The following BRD4 variants were observed in gnomAD, a reference collection of about 807,000 sequenced individuals.
The protein encoded by BRD4 is bromodomain containing 4.
BRD4 carries 16 observed loss-of-function variants against 142.1 expected under a neutral mutation model. That is an observed-to-expected ratio of 0.11 (90% CI 0.08 to 0.17). The LOEUF (loss-of-function observed/expected upper bound fraction) is 0.17, where lower values mean the gene tolerates loss of function less well. Ranked by LOEUF, BRD4 falls within the 10% of genes least tolerant of loss-of-function variation. The pLI is 1.00. For missense variants in BRD4, 1,424 were observed against 1,810.9 expected (o/e 0.79, Z 3.88); for synonymous variants, 833 against 707.5 (o/e 1.18, Z -2.82).
rs1048741739 is a variant in BRD4 at position 15,301,014 on chromosome 19, A to C, written c.-34-27881T>G. ...GCAGCTTCATTAAGAATCACCAAAA[A>C]CTAGAAACCATCCACGTGTCCTTCA... On this transcript the variant is annotated intron_variant, in intron 1 of 19. Coordinates refer to ENST00000679869, the MANE Select transcript of BRD4 (RefSeq NM_001379291.1). 2.0e-5 allele frequency among the ~76,000 whole-genome samples: 3 copies of C among 152,214 alleles called. 1 individual carries two copies. The highest frequency in any genetic ancestry group is 4.1e-4 in the South Asian group (2 of 4,834).
intron 10 of BRD4, 96 bp downstream of exon 10, chr19:15,255,201 G>T (rs550147555): frequency 2.2e-5 from 28 of 1,252,124 alleles, no homozygotes; most frequent in Non-Finnish European, 2.8e-5. Flanking sequence ...AAAAAAAAAG[G>T]GGGGGGGCGC....
At chr19:15,310,881 C>T (rs542133993) in intron 1 of BRD4, among the ~76,000 whole-genome samples, 2 of 152,276 alleles carry the variant, frequency 1.3e-5, no homozygotes, top group African/African-American at 2.4e-5. Context: ...TACTCTTCAC[C>T]GATGCCCAAT....
chr19:15,243,031 GGCGGGGGCT>G lies in BRD4; in HGVS notation c.3029_3037del (p.Gln1010_Pro1012del). The G allele has an allele frequency of 6.5e-7, 1 of 1,532,372 alleles. No homozygotes were observed. Among genetic ancestry groups the G allele is most frequent in the East Asian group, 2.4e-5 (1 of 40,974 alleles). 94.9% of individuals were successfully genotyped at this position (1,532,372 alleles called of 1,614,324 possible). On this transcript the variant is annotated inframe_deletion, in exon 14 of 20. Transcript: ENST00000679869. Reference sequence around the variant, plus strand: ...ATGGGGGGGCTGCTGGCCCTGGGGTGGCGGGGGCTGTTGGATGTGGGTGGAAAACTGCAT... The same window carrying G: ...ATGGGGGGGCTGCTGGCCCTGGGGTGGTTGGATGTGGGTGGAAAACTGCAT...
At chr19:15,258,905 T>C (rs529840763) in intron 7 of BRD4, among the ~76,000 whole-genome samples, 2 of 152,304 alleles carry the variant, frequency 1.3e-5, no homozygotes, top group Non-Finnish European at 2.9e-5. Flanking sequence ...AATACCTTTA[T>C]TCAGAAATAA....
chr19:15,326,390 CG>C (rs2145010160), intron 1 of BRD4, among the ~76,000 whole-genome samples: 1 of 151,826 alleles, frequency 6.6e-6, no homozygotes, highest in East Asian at 1.9e-4. Flanking sequence ...TGGCTTGAAC[CG>C]GGGAGGCAGA....
At chr19:15,305,730 TGA>T (rs1226905821) in intron 1 of BRD4, among the ~76,000 whole-genome samples, 5 of 152,230 alleles carry the variant, frequency 3.3e-5, no homozygotes, top group Admixed American at 3.3e-4. Flanking sequence ...TAGCCCCTAA[TGA>T]GAGGCAGCCT....
intron 1 of BRD4, among the ~76,000 whole-genome samples, chr19:15,286,468 A>G (rs1248011518): frequency 2.6e-5 from 4 of 152,246 alleles, no homozygotes; most frequent in Non-Finnish European, 5.9e-5. Context: ...ACATCTGCGC[A>G]TGTCCAACAG....
At chr19:15,281,283 C>G (rs1269775381) in intron 1 of BRD4, among the ~76,000 whole-genome samples, 2 of 152,206 alleles carry the variant, frequency 1.3e-5, no homozygotes, top group Non-Finnish European at 2.9e-5. Flanking sequence ...TGCAGTACCC[C>G]AGACCCTGCA....
At chr19:15,302,816 TA>T (rs1402877407) in intron 1 of BRD4, among the ~76,000 whole-genome samples, 1 of 150,900 alleles carries the variant, frequency 6.6e-6, no homozygotes, top group African/African-American at 2.4e-5. Context: ...CCATCCTGGC[TA>T]AAACAGTGAA....
Position 15,316,181 on chromosome 19 carries a change from G to A in BRD4, c.-35+16109C>T, listed in dbSNP as rs866683566. 5.4e-3 allele frequency among the ~76,000 whole-genome samples: 476 copies of A among 88,458 alleles called. 1 individual carries two copies. Among genetic ancestry groups the A allele is most frequent in the African/African-American group, 0.018 (403 of 21,872 alleles). 58.0% of individuals were successfully genotyped at this position (88,458 alleles called of 152,430 possible). A position where few individuals can be genotyped will look rare whatever the true frequency, so the allele number is the denominator to read the frequency against. On this transcript the variant is annotated intron_variant, in intron 1 of 19. Coordinates refer to ENST00000679869, the MANE Select transcript of BRD4 (RefSeq NM_001379291.1). ...AAAAAAAAAAAAAAAAAAAAAAAAA[G>A]ACTGAGAAGCTCACCATAATCCTGA...
In BRD4 at chr19:15,251,133, C is replaced by G. The variant is rs535444423; in HGVS notation, c.2158+3019G>C. On this transcript the variant is annotated intron_variant, in intron 11 of 19. Coordinates refer to ENST00000679869, the MANE Select transcript of BRD4 (RefSeq NM_001379291.1). ...GAATACATGGTGGCCTGGGACACAG[C>G]TGGGAAAGCAGCACCCACCCCCGCC... Among the ~76,000 whole-genome samples, 43 of 152,232 alleles carry G rather than the reference C, an allele frequency of 2.8e-4. No homozygotes were observed. In the South Asian group the frequency reaches 8.7e-3, roughly 31 times the overall value.
Position 15,239,593 on chromosome 19 carries a change from C to G in BRD4, c.3445+66G>C. 1 of 1,562,402 alleles carries G rather than the reference C, an allele frequency of 6.4e-7. No homozygotes were observed. The highest frequency in any genetic ancestry group is 8.6e-7 in the Non-Finnish European group (1 of 1,160,662). On this transcript the variant is annotated intron_variant, in intron 16 of 19. Coordinates refer to ENST00000679869, the MANE Select transcript of BRD4 (RefSeq NM_001379291.1). This position sits in a 1 kb window ranked among gnomAD's most constrained non-coding sequence, Gnocchi z 7.4. ...GGGGCATGGTCCACCAGCCCCACAG[C>G]AAGCTTATGTCCAACACGGGCCTCG...
At chr19:15,323,265 G>A (rs1302217294) in intron 1 of BRD4, among the ~76,000 whole-genome samples, 5 of 146,072 alleles carry the variant, frequency 3.4e-5, no homozygotes, top group Admixed American at 7.0e-5. Context: ...AAACCTATGC[G>A]CCCTACTTTA....
At position 15,235,939 on chromosome 19, in the gene BRD4, A is replaced by C. The variant is rs546320114; in HGVS notation, c.*2438T>G. 1.3e-5 allele frequency: 2 copies of C among 152,366 alleles called. No individual in the cohort carries two copies. Among genetic ancestry groups the C allele is most frequent in the Admixed American group, 6.5e-5 (1 of 15,296 alleles). 9.4% of individuals were successfully genotyped at this position (152,366 alleles called of 1,614,324 possible). Reference sequence around the variant, plus strand: ...CCCAGGCTGGGGAAGTGTCTGAACAAAACAAGGAACAAAAATGAGTGGGTG... The same window carrying C: ...CCCAGGCTGGGGAAGTGTCTGAACACAACAAGGAACAAAAATGAGTGGGTG... On this transcript the variant is annotated 3_prime_UTR_variant, in exon 20 of 20. Transcript: ENST00000679869.
intron 1 of BRD4, among the ~76,000 whole-genome samples, chr19:15,281,418 G>A (rs1342296131): frequency 6.6e-6 from 1 of 152,230 alleles, no homozygotes; most frequent in Non-Finnish European, 1.5e-5. Flanking sequence ...GGATCTTGCA[G>A]TCAGGAGGCC....
At chr19:15,303,699 T>C (rs973642454) in intron 1 of BRD4, among the ~76,000 whole-genome samples, 3 of 152,370 alleles carry the variant, frequency 2.0e-5, no homozygotes, top group East Asian at 1.9e-4. Flanking sequence ...ATTCCCCTTA[T>C]ATAGTCTGTG....
At position 15,320,183 on chromosome 19, in the gene BRD4, T is replaced by C. The variant is rs148870205; in HGVS notation, c.-35+12107A>G. ...CAGGGTCAGTCCCATTCTTAGCCAC[T>C]AGACTCAATTATTTTGTGTCTCCTA... On this transcript the variant is annotated intron_variant, in intron 1 of 19. Transcript: ENST00000679869. Among the ~76,000 whole-genome samples, 1,334 of 152,252 alleles carry C rather than the reference T, an allele frequency of 8.8e-3. 11 individuals carry two copies. Among genetic ancestry groups the C allele is most frequent in the Non-Finnish European group, 0.014 (974 of 68,008 alleles).
intron 1 of BRD4, among the ~76,000 whole-genome samples, chr19:15,288,151 T>C (rs75410813): frequency 0.014 from 2,124 of 152,348 alleles, 37 homozygotes; most frequent in African/African-American, 0.048. Context: ...GTTGCTTCTA[T>C]AATACCTTTT....
At chr19:15,245,094 G>A in intron 11 of BRD4, 2 of 424,734 alleles carry the variant, frequency 4.7e-6, no homozygotes, top group Non-Finnish European at 8.6e-6. Context: ...TCACTATAGT[G>A]ACTGAGTGCA....
Sources: gnomAD v4.1 joint callset for allele counts (sites outside exome capture counted in the v4.1 genomes callset) on GRCh38, gnomAD v4.1.1 for gene constraint, Gnocchi (gnomAD v3.1) non-coding constraint, MANE v1.5 for transcripts, NCBI Gene and HGNC (gene_info 2026-07-23, HGNC 2026-07-21) for gene names.